Variants in FAR1 observed in about 807,000 individuals in gnomAD.
FAR1 encodes the protein fatty acyl-CoA reductase 1.
FAR1 carries 22 observed loss-of-function variants against 61.1 expected under a neutral mutation model. That is an observed-to-expected ratio of 0.36 (90% CI 0.26 to 0.51). The LOEUF (loss-of-function observed/expected upper bound fraction) is 0.51. Ranked by LOEUF, FAR1 falls within the 20% of genes least tolerant of loss-of-function variation. FAR1 has a pLI of 0.95. For missense variants in FAR1, 359 were observed against 626.9 expected, an observed-to-expected ratio of 0.57 and a Z score of 4.56; for synonymous variants, 206 against 209.7, an observed-to-expected ratio of 0.98 and a Z score of 0.15.
Position 13,721,707 on chromosome 11 carries a change from T to G in FAR1, c.1128-23T>G, listed in dbSNP as rs926404629. ...TCCTAATCTATACAAAATATGAATC[T>G]GTCCATTTTTCTTACAATACAGGAT... On this transcript the variant is annotated intron_variant, in intron 9 of 11. Transcript: ENST00000354817. This position sits in a 1 kb window ranked among gnomAD's most constrained non-coding sequence, Gnocchi z 4.2. 13 of 1,603,932 alleles carry G rather than the reference T, an allele frequency of 8.1e-6. No individual in the cohort carries two copies. In the African/African-American group the frequency reaches 1.6e-4, roughly 20 times the overall value.
intron 1 of FAR1, among the ~76,000 whole-genome samples, chr11:13,682,804 G>A (rs889617892): frequency 6.6e-6 from 1 of 151,774 alleles, no homozygotes; most frequent in South Asian, 2.1e-4. Flanking sequence ...TCAAGGTGGG[G>A]TTTTGCCTTG....
At chr11:13,696,224 G>A (rs1848305152) in intron 2 of FAR1, among the ~76,000 whole-genome samples, 1 of 152,112 alleles carries the variant, frequency 6.6e-6, no homozygotes, top group African/African-American at 2.4e-5. Context: ...CCCAGTGAGG[G>A]GTTATTTGTT....
At chr11:13,727,714 T>C (rs753808607) in intron 11 of FAR1, 31 bp downstream of exon 11, 51 of 1,564,878 alleles carry the variant, frequency 3.3e-5, no homozygotes, top group Non-Finnish European at 4.3e-5. Context: ...TGATTGCTTC[T>C]TGTCTTCCTT....
chr11:13,710,095 A>G (rs17535089), intron 4 of FAR1, among the ~76,000 whole-genome samples: 27,423 of 152,046 alleles, frequency 0.18, 2,656 homozygotes, highest in Non-Finnish European at 0.21. Flanking sequence ...TGTTAATCTC[A>G]TTAGAGCATA....
chr11:13,729,646 C>A lies in FAR1; in HGVS notation c.*872C>A, dbSNP rs1254112321. Reference sequence around the variant, plus strand: ...GGAAGTGGGAGTTGGGAAGGATTCACCATACTTGTGTTCTCCTCCCTTTAT... The same window carrying A: ...GGAAGTGGGAGTTGGGAAGGATTCAACATACTTGTGTTCTCCTCCCTTTAT... On this transcript the variant is annotated 3_prime_UTR_variant, in exon 12 of 12. Coordinates refer to ENST00000354817, the MANE Select transcript of FAR1 (RefSeq NM_032228.6). 1 of 151,940 alleles carries A rather than the reference C, an allele frequency of 6.6e-6. No individual in the cohort carries two copies. The highest frequency in any genetic ancestry group is 2.4e-5 in the African/African-American group (1 of 41,430). 9.4% of individuals were successfully genotyped at this position (151,940 alleles called of 1,614,324 possible).
At chr11:13,687,872 A>T (rs572111299) in intron 1 of FAR1, among the ~76,000 whole-genome samples, 1 of 146,482 alleles carries the variant, frequency 6.8e-6, no homozygotes, top group African/African-American at 2.5e-5. Flanking sequence ...CAAACACCGC[A>T]TGCTCTCATA....
At chr11:13,714,742 A>G (rs947524264) in intron 9 of FAR1, 62 bp downstream of exon 9, 5 of 1,428,046 alleles carry the variant, frequency 3.5e-6, no homozygotes, top group Non-Finnish European at 4.7e-6. Context: ...TTACACTAAA[A>G]TGCATATTAA....
At chr11:13,687,886 G>A (rs1848205779) in intron 1 of FAR1, among the ~76,000 whole-genome samples, 1 of 148,262 alleles carries the variant, frequency 6.7e-6, no homozygotes, top group African/African-American at 2.5e-5. Flanking sequence ...TCTCATAGGT[G>A]GGAATTGAAC....
At chr11:13,690,470 C>A (rs1435651705) in intron 1 of FAR1, among the ~76,000 whole-genome samples, 1 of 152,166 alleles carries the variant, frequency 6.6e-6, no homozygotes, top group Non-Finnish European at 1.5e-5. Context: ...AAATGGTCCT[C>A]CTCTGTAATC....
Position 13,707,901 on chromosome 11 carries a change from G to T in FAR1, c.367G>T (p.Asp123Tyr). ...TTGTCACTTTTTCTTTTTAAACAGA[G>T]ATGCTGTTCAGTTAAATGTGATTGC... is the stretch of plus-strand genomic sequence containing the variant. ...ATVRFNENLRDAVQLNVIATR... is the reference protein window; with the variant it reads ...ATVRFNENLRYAVQLNVIATR... Residue 123 changes from aspartate (D) to tyrosine (Y), a missense_variant and splice_region_variant, in exon 4 of 12, where the codon GAT becomes TAT. By Grantham distance (160) the Asp-to-Tyr change is radical. Around this residue, in one of 2 missense-constraint regions of FAR1, gnomAD observed 344 missense variants for 570.3 expected, o/e 0.60. Transcript: ENST00000354817. The T allele has an allele frequency of 6.5e-7, 1 of 1,530,830 alleles. No homozygotes were observed. Among genetic ancestry groups the T allele is most frequent in the Non-Finnish European group, 8.8e-7 (1 of 1,137,640 alleles). 94.8% of individuals were successfully genotyped at this position (1,530,830 alleles called of 1,614,324 possible). A position where few individuals can be genotyped will look rare whatever the true frequency, so the allele number is the denominator to read the frequency against.
At position 13,722,858 on chromosome 11, in the gene FAR1, C is replaced by CTCTCTCTCTATA. The variant is rs905924337; in HGVS notation, c.1257+1000_1257+1001insCTCTCTCTATAT. 4.9e-4 allele frequency among the ~76,000 whole-genome samples: 73 copies of CTCTCTCTCTATA among 147,858 alleles called. 1 individual carries two copies. The highest frequency in any genetic ancestry group is 3.5e-3 in the Middle Eastern group (1 of 282). On this transcript the variant is annotated intron_variant, in intron 10 of 11. Coordinates refer to ENST00000354817, the MANE Select transcript of FAR1 (RefSeq NM_032228.6). ...TAGATTTCTCCCTCTCTCTCTCTCTCTATATATATATATATATATAAAATA... is the reference window on the plus strand; with the variant it reads ...TAGATTTCTCCCTCTCTCTCTCTCTCTCTCTCTCTATATATATATATATATATATATAAAATA...
chr11:13,678,906 A>G (rs1848096588), intron 1 of FAR1, among the ~76,000 whole-genome samples: 1 of 152,196 alleles, frequency 6.6e-6, no homozygotes, highest in African/African-American at 2.4e-5. Context: ...GCCATAAGAA[A>G]GTGACACAAG....
chr11:13,674,187 TAGTCCCAGCTA>T (rs1158323462), intron 1 of FAR1, among the ~76,000 whole-genome samples: 1 of 151,476 alleles, frequency 6.6e-6, no homozygotes, highest in Non-Finnish European at 1.5e-5. Flanking sequence ...CGCCCACCTG[TAGTCCCAGCTA>T]CTCGGGAGGC....
intron 1 of FAR1, among the ~76,000 whole-genome samples, chr11:13,682,783 A>G (rs933850770): frequency 1.4e-5 from 2 of 144,416 alleles, no homozygotes; most frequent in African/African-American, 2.5e-5. Context: ...TTATTTTTGT[A>G]TTTTTTTTTT....
intron 7 of FAR1, 106 bp downstream of exon 7, chr11:13,712,152 C>T (rs1479255930): frequency 8.6e-6 from 7 of 809,866 alleles, no homozygotes; most frequent in Non-Finnish European, 1.5e-5. Flanking sequence ...ATTGCCATAC[C>T]AATATTTAGG....
In FAR1 at chr11:13,712,976, A is replaced by G; in HGVS notation, c.898A>G (p.Ile300Val). 1 of 1,612,786 alleles carries G rather than the reference A, an allele frequency of 6.2e-7. No homozygotes were observed. The highest frequency in any genetic ancestry group is 8.5e-7 in the Non-Finnish European group (1 of 1,179,032). Reference sequence around the variant, plus strand: ...TCTTTGTCTTTGCAGACCAAGAAACATCATGGTGTATAATTGTACAACAGG... The same window carrying G: ...TCTTTGTCTTTGCAGACCAAGAAACGTCATGGTGTATAATTGTACAACAGG... Reference protein sequence around the residue: ...WYSGVNRPRNIMVYNCTTGST... With the variant: ...WYSGVNRPRNVMVYNCTTGST... The change falls in exon 8 of 12, where the codon ATC (isoleucine) becomes GTC (valine). Residue 300 changes from isoleucine (I) to valine (V), a missense_variant. Transcript: ENST00000354817.
At chr11:13,671,864 AAGTC>A (rs1372698498) in intron 1 of FAR1, among the ~76,000 whole-genome samples, 1 of 152,182 alleles carries the variant, frequency 6.6e-6, no homozygotes, top group Non-Finnish European at 1.5e-5. Context: ...AAGAAAATTC[AAGTC>A]AGACCTCATC....
At chr11:13,712,417 C>G (rs574848074) in intron 7 of FAR1, among the ~76,000 whole-genome samples, 5 of 152,154 alleles carry the variant, frequency 3.3e-5, no homozygotes, top group Admixed American at 2.6e-4. Context: ...ACCAGAGCAG[C>G]TTTAATCAGC....
In FAR1 at chr11:13,728,870, T is replaced by G; in HGVS notation, c.*96T>G. On this transcript the variant is annotated 3_prime_UTR_variant, in exon 12 of 12. Coordinates refer to ENST00000354817, the MANE Select transcript of FAR1 (RefSeq NM_032228.6). ...GTCATCTCACTTTTTGTCAAGACAT[T>G]AAACCATCTTAGATCGGAGTGTGAA... 1 of 1,126,348 alleles carries G rather than the reference T, an allele frequency of 8.9e-7. No homozygotes were observed. Among genetic ancestry groups the G allele is most frequent in the East Asian group, 2.4e-5 (1 of 41,904 alleles). The allele number at this position is 1,126,348 out of a possible 1,614,324, so 69.8% of individuals were successfully genotyped here. A position where few individuals can be genotyped will look rare whatever the true frequency, so the allele number is the denominator to read the frequency against.
Sources: gnomAD v4.1 joint callset for allele counts (sites outside exome capture counted in the v4.1 genomes callset) on GRCh38, gnomAD v4.1.1 for gene constraint, gnomAD v4.1.1 regional missense constraint, Gnocchi (gnomAD v3.1) non-coding constraint, MANE v1.5 for transcripts, NCBI Gene and HGNC (gene_info 2026-07-23, HGNC 2026-07-21) for gene names.